Variants in RNF169 observed in about 807,000 individuals in gnomAD.
The protein encoded by RNF169 is E3 ubiquitin-protein ligase RNF169.
Under a neutral mutation model 53.9 loss-of-function variants are expected in RNF169, and 24 were observed. That is an observed-to-expected ratio of 0.45 (90% CI 0.32 to 0.63). The LOEUF is 0.63. Among genes scored for constraint, RNF169 ranks in the 20% least tolerant of loss-of-function variants. RNF169 has a pLI of 0.04. For missense variants in RNF169, 883 were observed against 906.2 expected, an observed-to-expected ratio of 0.97 and a Z score of 0.33; for synonymous variants, 396 against 363.5, an observed-to-expected ratio of 1.09 and a Z score of -1.02.
chr11:74,748,866 C>A lies in RNF169; in HGVS notation c.-15C>A. 1.4e-6 allele frequency: 2 copies of A among 1,401,730 alleles called. No homozygotes were observed. The highest frequency in any genetic ancestry group is 1.9e-6 in the Non-Finnish European group (2 of 1,066,454). The allele number at this position is 1,401,730 out of a possible 1,614,324, so 86.8% of individuals were successfully genotyped here. A position where few individuals can be genotyped will look rare whatever the true frequency, so the allele number is the denominator to read the frequency against. ...TCTCCCTCGCAACCGACTCTCCCTTCAAACGGGAAACAAGATGGCGGCTGC... is the reference window on the plus strand; with the variant it reads ...TCTCCCTCGCAACCGACTCTCCCTTAAAACGGGAAACAAGATGGCGGCTGC... On this transcript the variant is annotated 5_prime_UTR_variant, in exon 1 of 6. Transcript: ENST00000299563.
At chr11:74,809,071 TTTG>T (rs1379212791) in intron 2 of RNF169, among the ~76,000 whole-genome samples, 14 of 152,262 alleles carry the variant, frequency 9.2e-5, no homozygotes, top group African/African-American at 3.4e-4. Context: ...AGGCTAAGGC[TTTG>T]TTGTTGTTTA....
At chr11:74,782,419 A>G (rs568296452) in intron 1 of RNF169, among the ~76,000 whole-genome samples, 1 of 152,160 alleles carries the variant, frequency 6.6e-6, no homozygotes, top group South Asian at 2.1e-4. Context: ...TAGGAGCATG[A>G]ACCCTATTGT....
Position 74,835,620 on chromosome 11 carries a change from G to T in RNF169, c.1017G>T (p.Ser339=). 6.2e-7 allele frequency: 1 copy of T among 1,614,012 alleles called. No homozygotes were observed. The highest frequency in any genetic ancestry group is 8.5e-7 in the Non-Finnish European group (1 of 1,179,994). Reference sequence around the variant, plus strand: ...CAACTCAAAACAACCGCTGCGTCTCGGCCCCTGACTTAACCATCGAAAAGC... The same window carrying T: ...CAACTCAAAACAACCGCTGCGTCTCTGCCCCTGACTTAACCATCGAAAAGC... ...LLSTQNNRCV[S]APDLTIEKRL... Residue 339 remains serine, a synonymous_variant, in exon 6 of 6, where the codon TCG becomes TCT. Coordinates refer to ENST00000299563, the MANE Select transcript of RNF169 (RefSeq NM_001098638.2).
chr11:74,754,734 C>T (rs145067013), intron 1 of RNF169, among the ~76,000 whole-genome samples: 1,567 of 152,250 alleles, frequency 0.01, 32 homozygotes, highest in African/African-American at 0.034. Context: ...GCAGGAGATT[C>T]GCTTCAACCC....
chr11:74,827,203 A>G (rs1372919819), intron 4 of RNF169, among the ~76,000 whole-genome samples: 1 of 152,194 alleles, frequency 6.6e-6, no homozygotes, highest in Non-Finnish European at 1.5e-5. Flanking sequence ...TACAGGCCCA[A>G]TACCACATGT....
chr11:74,775,775 A>G (rs372766027), intron 1 of RNF169, among the ~76,000 whole-genome samples: 5 of 152,192 alleles, frequency 3.3e-5, no homozygotes, highest in African/African-American at 1.2e-4. Context: ...CCATTTGATC[A>G]TGTGAATCCC....
chr11:74,801,238 C>T (rs987481217), intron 2 of RNF169, among the ~76,000 whole-genome samples: 13 of 152,132 alleles, frequency 8.5e-5, no homozygotes, highest in African/African-American at 1.4e-4. Context: ...CTTTTATGCA[C>T]GTTAGCCTTG....
chr11:74,796,610 AAC>A (rs1299298591), intron 2 of RNF169, among the ~76,000 whole-genome samples: 1 of 152,146 alleles, frequency 6.6e-6, no homozygotes, highest in Non-Finnish European at 1.5e-5. Flanking sequence ...TGATTTGGGA[AAC>A]ACATAATCCA....
intron 1 of RNF169, among the ~76,000 whole-genome samples, chr11:74,786,613 A>G (rs564579928): frequency 6.6e-6 from 1 of 152,186 alleles, no homozygotes; most frequent in South Asian, 2.1e-4. Context: ...GAACCAAACC[A>G]CAATTTAAAG....
At chr11:74,750,257 G>A (rs1715367619) in intron 1 of RNF169, among the ~76,000 whole-genome samples, 2 of 152,052 alleles carry the variant, frequency 1.3e-5, no homozygotes, top group African/African-American at 4.8e-5. Context: ...ATTCTTTTGG[G>A]GACACACCCA....
chr11:74,836,645 A>G lies in RNF169; in HGVS notation c.2042A>G (p.Asp681Gly). 1.2e-6 allele frequency: 2 copies of G among 1,614,062 alleles called. No homozygotes were observed. The highest frequency in any genetic ancestry group is 1.7e-6 in the Non-Finnish European group (2 of 1,180,044). ...GCTCTGCAGTTGCAGCGCATGTTCG[A>G]CAATGAGAGGCGGACTGTGAGCCGG... ...QLALQLQRMF[D>G]NERRTVSRRK... The change falls in exon 6 of 6, where the codon GAC (aspartate) becomes GGC (glycine). Residue 681 changes from aspartate (D) to glycine (G), a missense_variant. By Grantham distance (94) the Asp-to-Gly change is moderately conservative. Around this residue, in one of 3 missense-constraint regions of RNF169, gnomAD observed 351 missense variants for 337.3 expected, o/e 1.04. Transcript: ENST00000299563.
intron 3 of RNF169, among the ~76,000 whole-genome samples, chr11:74,812,387 C>T (rs2035886790): frequency 6.6e-6 from 1 of 152,240 alleles, no homozygotes; most frequent in South Asian, 2.1e-4. Context: ...TTCGACCACC[C>T]AGGGTCAAGC....
chr11:74,820,343 CA>C (rs1033691753), intron 4 of RNF169, among the ~76,000 whole-genome samples: 19 of 152,084 alleles, frequency 1.2e-4, no homozygotes, highest in African/African-American at 4.6e-4. Flanking sequence ...CAAGCTAGGG[CA>C]GGGGGGTTTA....
chr11:74,831,449 C>CT (rs2135148472), intron 4 of RNF169: 1 of 152,136 alleles, frequency 6.6e-6, no homozygotes, highest in East Asian at 1.9e-4. Flanking sequence ...TAGTGCAAGA[C>CT]TTGTATGCTG....
chr11:74,806,709 T>C (rs993440267), intron 2 of RNF169, among the ~76,000 whole-genome samples: 3 of 151,794 alleles, frequency 2.0e-5, no homozygotes, highest in African/African-American at 7.3e-5. Flanking sequence ...CATGTAAGAC[T>C]TCACTTATAT....
At chr11:74,820,145 A>AGGCC (rs2035990935) in intron 4 of RNF169, among the ~76,000 whole-genome samples, 1 of 152,148 alleles carries the variant, frequency 6.6e-6, no homozygotes, top group Non-Finnish European at 1.5e-5. Context: ...CATTCAGGTA[A>AGGCC]CAGAAACCAA....
At chr11:74,790,097 C>G (rs1483272421) in intron 2 of RNF169, among the ~76,000 whole-genome samples, 2 of 152,132 alleles carry the variant, frequency 1.3e-5, no homozygotes, top group East Asian at 3.8e-4. Flanking sequence ...ATTAAATACT[C>G]CAAAAGAACT....
chr11:74,789,740 G>C (rs1336290155), intron 2 of RNF169, 41 bp downstream of exon 2: 12 of 1,301,020 alleles, frequency 9.2e-6, no homozygotes, highest in Non-Finnish European at 1.3e-5. Flanking sequence ...AAAGTAGATT[G>C]AAATAATGAC....
intron 1 of RNF169, among the ~76,000 whole-genome samples, chr11:74,754,058 C>T (rs2034942080): frequency 6.6e-6 from 1 of 152,136 alleles, no homozygotes; most frequent in Admixed American, 6.5e-5. Flanking sequence ...TATATATTGA[C>T]ATATTAAATA....
Sources: gnomAD v4.1 joint callset for allele counts (sites outside exome capture counted in the v4.1 genomes callset) on GRCh38, gnomAD v4.1.1 for gene constraint, gnomAD v4.1.1 regional missense constraint, MANE v1.5 for transcripts, NCBI Gene and HGNC (gene_info 2026-07-23, HGNC 2026-07-21) for gene names.